TAX1BP1: variants seen among roughly 807,000 people sequenced by gnomAD.
TAX1BP1 encodes the protein Tax1 binding protein 1.
Under a neutral mutation model 97.7 loss-of-function variants are expected in TAX1BP1, and 62 were observed. The ratio of observed to expected loss-of-function variants is 0.63; its 90% CI spans 0.52 to 0.78. TAX1BP1 has a LOEUF of 0.78. TAX1BP1 is among the 30% of genes least tolerant of loss of function. TAX1BP1 has a pLI of 0.00. For synonymous variants in TAX1BP1, 340 were observed against 304.2 expected (o/e 1.12, Z -1.23); for missense variants, 867 against 916.1 (o/e 0.95, Z 0.69).
At chr7:27,756,001 C>A (rs553644308) in intron 2 of TAX1BP1, among the ~76,000 whole-genome samples, 2 of 152,262 alleles carry the variant, frequency 1.3e-5, no homozygotes, top group East Asian at 3.9e-4. Context: ...GACAAGATTT[C>A]TTGCATTTCA....
chr7:27,765,304 G>A (rs573600273), intron 3 of TAX1BP1, among the ~76,000 whole-genome samples: 1 of 152,022 alleles, frequency 6.6e-6, no homozygotes, highest in Admixed American at 6.6e-5. Flanking sequence ...ACAGGCATGA[G>A]CCACCGCACT....
chr7:27,802,138 T>C (rs1790162519), intron 13 of TAX1BP1, among the ~76,000 whole-genome samples: 1 of 152,218 alleles, frequency 6.6e-6, no homozygotes, highest in Non-Finnish European at 1.5e-5. Flanking sequence ...TAGCTTAGGC[T>C]TGAATGATAG....
rs766971586 is a variant in TAX1BP1 at position 27,785,991 on chromosome 7, C to CAT, written c.852+514_852+515dup. On this transcript the variant is annotated intron_variant, in intron 7 of 16. Coordinates refer to ENST00000396319, the MANE Select transcript of TAX1BP1 (RefSeq NM_006024.7). ...TGTAACTATTTTTCCTTTTTAAGAA[C>CAT]ATATATATATATACACATTGGGGAG... Among the ~76,000 whole-genome samples the CAT allele has an allele frequency of 8.8e-4, 134 of 151,492 alleles. 1 individual carries two copies. The highest frequency in any genetic ancestry group is 1.1e-3 in the Non-Finnish European group (78 of 67,834).
intron 2 of TAX1BP1, among the ~76,000 whole-genome samples, chr7:27,752,390 T>C (rs536781064): frequency 6.6e-6 from 1 of 152,248 alleles, no homozygotes; most frequent in South Asian, 2.1e-4. Context: ...AACCAGAAGA[T>C]TACTAAGCAG....
chr7:27,781,354 T>C (rs893428100), intron 5 of TAX1BP1, among the ~76,000 whole-genome samples: 3 of 152,192 alleles, frequency 2.0e-5, no homozygotes, highest in Non-Finnish European at 4.4e-5. Context: ...CAAACCTAGA[T>C]AGTATATCCT....
chr7:27,766,149 A>G, intron 4 of TAX1BP1, 128 bp downstream of exon 4: 2 of 935,288 alleles, frequency 2.1e-6, no homozygotes, highest in Non-Finnish European at 3.2e-6. Context: ...GGCTGGGCGC[A>G]GTGGCTCACG....
intron 2 of TAX1BP1, among the ~76,000 whole-genome samples, chr7:27,756,198 C>G (rs1009994420): frequency 2.0e-5 from 3 of 152,140 alleles, no homozygotes; most frequent in African/African-American, 7.2e-5. Context: ...ATTATCCACT[C>G]TAGCATACTT....
At chr7:27,756,807 C>T (rs1384719186) in intron 2 of TAX1BP1, among the ~76,000 whole-genome samples, 1 of 152,086 alleles carries the variant, frequency 6.6e-6, no homozygotes, top group Non-Finnish European at 1.5e-5. Flanking sequence ...ATGACTTGTT[C>T]ACTGATTCCT....
intron 2 of TAX1BP1, among the ~76,000 whole-genome samples, chr7:27,756,902 A>G (rs2057998): frequency 0.2 from 30,603 of 152,108 alleles, 3,214 homozygotes; most frequent in Admixed American, 0.26. Context: ...GATTTGTCCC[A>G]GCATGCAGAT....
chr7:27,769,134 AGT>A (rs1356618289), intron 4 of TAX1BP1, among the ~76,000 whole-genome samples: 1 of 150,146 alleles, frequency 6.7e-6, no homozygotes, highest in African/African-American at 2.5e-5. Context: ...ACTTATGAAG[AGT>A]GTTTTAATTT....
intron 5 of TAX1BP1, among the ~76,000 whole-genome samples, chr7:27,778,837 G>A (rs1789133776): frequency 6.7e-6 from 1 of 148,876 alleles, no homozygotes. Flanking sequence ...ACTTCAGCCT[G>A]GCAACAGAGT....
chr7:27,816,777 T>C (rs1366563207), intron 14 of TAX1BP1, 113 bp from the exon 15 acceptor site: 6 of 1,327,884 alleles, frequency 4.5e-6, no homozygotes, highest in Non-Finnish European at 6.2e-6. Context: ...TAAAAACATC[T>C]ATTTTTTTCA....
At chr7:27,757,142 A>C (rs1788251528) in intron 2 of TAX1BP1, among the ~76,000 whole-genome samples, 1 of 152,132 alleles carries the variant, frequency 6.6e-6, no homozygotes, top group South Asian at 2.1e-4. Flanking sequence ...GAATCATAGA[A>C]CATGGATAAT....
intron 2 of TAX1BP1, among the ~76,000 whole-genome samples, chr7:27,749,888 C>T (rs1787959295): frequency 6.6e-6 from 1 of 152,090 alleles, no homozygotes; most frequent in South Asian, 2.1e-4. Flanking sequence ...ACCTCCTGGG[C>T]TCAAGTGATC....
rs1395909634 is a variant in TAX1BP1, at chr7:27,748,563, C to T, written c.39C>T (p.Asn13=). ...AAGAAGTCCCATTGCAGACTTCCAA[C>T]TTTGCCCATGTCATCTTTCAAAATG... ...SFQEVPLQTS[N]FAHVIFQNVA... The change falls in exon 2 of 17, where the codon AAC becomes AAT. Residue 13 remains asparagine, a synonymous_variant. Transcript: ENST00000396319. 7 of 1,603,172 alleles carry T rather than the reference C, an allele frequency of 4.4e-6. No individual in the cohort carries two copies. Among genetic ancestry groups the T allele is most frequent in the South Asian group, 1.1e-5 (1 of 88,720 alleles).
intron 13 of TAX1BP1, among the ~76,000 whole-genome samples, chr7:27,801,137 A>AC (rs386409782): frequency 6.6e-6 from 1 of 151,492 alleles, no homozygotes; most frequent in African/African-American, 2.4e-5. Flanking sequence ...AGAGAAAAAA[A>AC]AAAAACAGGC....
At chr7:27,775,627 C>T (rs1789002888) in intron 5 of TAX1BP1, among the ~76,000 whole-genome samples, 1 of 152,114 alleles carries the variant, frequency 6.6e-6, no homozygotes, top group Non-Finnish European at 1.5e-5. Flanking sequence ...ATTTTTGTAG[C>T]TTATACAAGT....
intron 5 of TAX1BP1, 133 bp downstream of exon 5, chr7:27,769,967 A>G: frequency 3.9e-6 from 3 of 771,708 alleles, no homozygotes; most frequent in East Asian, 5.5e-5. Context: ...AGACGTTTAT[A>G]CAAGAACAGG....
chr7:27,748,819 T>A, intron 2 of TAX1BP1, 133 bp downstream of exon 2: 1 of 584,962 alleles, frequency 1.7e-6, no homozygotes, highest in Non-Finnish European at 2.6e-6. Context: ...ATGAAATATT[T>A]AACAGTGGGG....
Sources: gnomAD v4.1 joint callset for allele counts (sites outside exome capture counted in the v4.1 genomes callset) on GRCh38, gnomAD v4.1.1 for gene constraint, MANE v1.5 for transcripts, NCBI Gene and HGNC (gene_info 2026-07-23, HGNC 2026-07-21) for gene names.